The following RPS6KA5 variants were observed in gnomAD, a reference collection of about 807,000 sequenced individuals.
RPS6KA5 encodes ribosomal protein S6 kinase alpha-5.
A neutral mutation model predicts 85.5 loss-of-function variants in RPS6KA5; 27 were observed. That is an observed-to-expected ratio of 0.32 (90% CI 0.23 to 0.44). The LOEUF (loss-of-function observed/expected upper bound fraction) is 0.44. Among genes scored for constraint, RPS6KA5 ranks in the 20% least tolerant of loss-of-function variants. RPS6KA5 has a pLI of 1.00. For synonymous variants in RPS6KA5, 334 were observed against 348.2 expected (o/e 0.96, Z 0.46); for missense variants, 811 against 980.9 (o/e 0.83, Z 2.31).
chr14:91,000,454 A>G lies in RPS6KA5; in HGVS notation c.175+634T>C, dbSNP rs140600265. The stretch of plus-strand genomic sequence containing the variant: ...ACAATCAATACAAAGCCCTCCACAG[A>G]GTACTTGGCATCTAACAAGCACTCT... On this transcript the variant is annotated intron_variant, in intron 2 of 16. Transcript: ENST00000614987. Among the ~76,000 whole-genome samples, 34 of 152,308 alleles carry G rather than the reference A, an allele frequency of 2.2e-4. No individual in the cohort carries two copies. The East Asian group carries it at 5.6e-3, about 25-fold the overall frequency.
Position 90,875,305 on chromosome 14 carries a change from C to T in RPS6KA5, c.1892G>A (p.Cys631Tyr), listed in dbSNP as rs2033385762. 3 of 1,613,926 alleles carry T rather than the reference C, an allele frequency of 1.9e-6. No homozygotes were observed. Among genetic ancestry groups the T allele is most frequent in the Non-Finnish European group, 2.5e-6 (3 of 1,179,886 alleles). Residue 631 changes from cysteine (C) to tyrosine (Y), a missense_variant, in exon 15 of 17, where the codon TGT becomes TAT. By Grantham distance (194) the Cys-to-Tyr change is radical. This residue lies in a region of RPS6KA5 where 650 missense variants were observed against 793.4 expected (regional missense o/e 0.82). Coordinates refer to ENST00000614987, the MANE Select transcript of RPS6KA5 (RefSeq NM_004755.4). The part of the protein sequence containing the change: ...PFQSHDRSLT[C>Y]TSAVEIMKKI... ...CTTCATGATTTCCACCGCGCTGGTA[C>T]ACGTCAAACTTCGGTCATGAGATTG...
intron 1 of RPS6KA5, among the ~76,000 whole-genome samples, chr14:91,059,289 G>A (rs1474241698): frequency 2.0e-5 from 3 of 148,434 alleles, no homozygotes; most frequent in African/African-American, 7.5e-5. Flanking sequence ...GCGGTGAGCC[G>A]AGATCATGCC....
intron 13 of RPS6KA5, 67 bp from the exon 14 acceptor site, chr14:90,890,745 A>C (rs960870322): frequency 7.2e-7 from 1 of 1,397,146 alleles, no homozygotes; most frequent in African/African-American, 1.4e-5. Flanking sequence ...GGTACTATTT[A>C]TGTAACACTT....
chr14:90,970,979 C>T (rs7160006), intron 3 of RPS6KA5, among the ~76,000 whole-genome samples: 223 of 151,674 alleles, frequency 1.5e-3, no homozygotes, highest in African/African-American at 4.8e-3. Flanking sequence ...AAATTACAGA[C>T]CAGAGGCCAA....
intron 1 of RPS6KA5, among the ~76,000 whole-genome samples, chr14:91,036,261 ACT>A (rs1483558812): frequency 6.6e-6 from 1 of 152,224 alleles, no homozygotes; most frequent in Non-Finnish European, 1.5e-5. Context: ...AGACAAGCTA[ACT>A]AAGGCCTACT....
Position 90,872,041 on chromosome 14 carries a change from G to A in RPS6KA5, c.*33C>T. On this transcript the variant is annotated 3_prime_UTR_variant, in exon 17 of 17. Coordinates refer to ENST00000614987, the MANE Select transcript of RPS6KA5 (RefSeq NM_004755.4). ...TCAGGCATATGCTGAGGGAATAAAG[G>A]TGCAATGGATCACTGATACACTCCT... 6.3e-7 allele frequency: 1 copy of A among 1,590,304 alleles called. No individual in the cohort carries two copies. Among genetic ancestry groups the A allele is most frequent in the Non-Finnish European group, 8.5e-7 (1 of 1,170,178 alleles).
At chr14:91,054,756 G>A (rs1382042646) in intron 1 of RPS6KA5, among the ~76,000 whole-genome samples, 2 of 151,736 alleles carry the variant, frequency 1.3e-5, no homozygotes, top group Admixed American at 6.6e-5. Flanking sequence ...TTCGAGACCA[G>A]CCTGGGCAAC....
At chr14:90,944,740 A>G (rs1335432898) in intron 4 of RPS6KA5, among the ~76,000 whole-genome samples, 1 of 145,000 alleles carries the variant, frequency 6.9e-6, no homozygotes, top group African/African-American at 2.6e-5. Flanking sequence ...GGGCAACAAG[A>G]GCAAAACTCC....
intron 1 of RPS6KA5, among the ~76,000 whole-genome samples, chr14:91,055,854 G>C (rs779910891): frequency 4.6e-5 from 7 of 152,180 alleles, no homozygotes; most frequent in Non-Finnish European, 8.8e-5. Context: ...GGGGAAACCA[G>C]CTGCCTGTCA....
chr14:90,963,256 C>T (rs11621398), intron 3 of RPS6KA5, among the ~76,000 whole-genome samples: 3,935 of 152,252 alleles, frequency 0.026, 69 homozygotes, highest in Non-Finnish European at 0.037. Context: ...AATGATGTTA[C>T]CCTCACTACG....
intron 1 of RPS6KA5, among the ~76,000 whole-genome samples, chr14:91,022,193 A>AT (rs1423077323): frequency 2.3e-4 from 35 of 152,256 alleles, no homozygotes; most frequent in African/African-American, 8.4e-4. Flanking sequence ...GCAGGAAACT[A>AT]TTTGAATGTG....
intron 1 of RPS6KA5, among the ~76,000 whole-genome samples, chr14:91,034,313 A>C (rs1228731596): frequency 6.6e-6 from 1 of 152,080 alleles, no homozygotes; most frequent in Admixed American, 6.5e-5. Flanking sequence ...TCTCAAAAAA[A>C]AAAAAAAAAG....
At chr14:90,943,271 A>AT (rs71117390) in intron 4 of RPS6KA5, 86 bp from the exon 5 acceptor site, 303,275 of 558,768 alleles carry the variant, frequency 0.54, 52,304 homozygotes, top group East Asian at 0.63. Context: ...TTATTTATTT[A>AT]TTTTTTTTTT....
intron 1 of RPS6KA5, among the ~76,000 whole-genome samples, chr14:91,044,396 A>G (rs866236268): frequency 9.6e-6 from 1 of 104,198 alleles, no homozygotes; most frequent in Non-Finnish European, 2.2e-5. Context: ...AAAGAAGGAA[A>G]GAAAGAAAGA....
At chr14:90,906,616 C>T (rs1167648667) in intron 7 of RPS6KA5, among the ~76,000 whole-genome samples, 2 of 151,988 alleles carry the variant, frequency 1.3e-5, no homozygotes, top group Admixed American at 6.5e-5. Context: ...TTAGACCTCT[C>T]GTATATAGAC....
At chr14:90,985,436 T>C (rs2040016268) in intron 2 of RPS6KA5, among the ~76,000 whole-genome samples, 1 of 152,232 alleles carries the variant, frequency 6.6e-6, no homozygotes, top group Non-Finnish European at 1.5e-5. Flanking sequence ...GGCCCCTGCT[T>C]TACGTCCTTC....
rs1454031460 is a variant in RPS6KA5, at chr14:90,865,426, G to C, written c.*6648C>G. The stretch of plus-strand genomic sequence containing the variant: ...ACCAGACACAAAAACCTATAGACTG[G>C]ATAATTCCATGTATAGGAATGTCAA... On this transcript the variant is annotated 3_prime_UTR_variant, in exon 17 of 17. Transcript: ENST00000614987. 6.6e-6 allele frequency: 1 copy of C among 152,220 alleles called. No individual in the cohort carries two copies. The highest frequency in any genetic ancestry group is 2.4e-5 in the African/African-American group (1 of 41,454). 9.4% of individuals were successfully genotyped at this position (152,220 alleles called of 1,614,324 possible). A position where few individuals can be genotyped will look rare whatever the true frequency, so the allele number is the denominator to read the frequency against.
chr14:90,990,182 CA>C, intron 2 of RPS6KA5, among the ~76,000 whole-genome samples: 1 of 151,742 alleles, frequency 6.6e-6, no homozygotes, highest in Non-Finnish European at 1.5e-5. Context: ...AATCAACAAG[CA>C]AAAAACAAAC....
intron 1 of RPS6KA5, among the ~76,000 whole-genome samples, chr14:91,057,820 G>C (rs2043386873): frequency 1.3e-5 from 2 of 152,314 alleles, no homozygotes; most frequent in East Asian, 3.9e-4. Flanking sequence ...TTTTCCAACA[G>C]TGTCTCATTC....
Sources: gnomAD v4.1 joint callset for allele counts (sites outside exome capture counted in the v4.1 genomes callset) on GRCh38, gnomAD v4.1.1 for gene constraint, gnomAD v4.1.1 regional missense constraint, MANE v1.5 for transcripts, NCBI Gene and HGNC (gene_info 2026-07-23, HGNC 2026-07-21) for gene names.